Variants in IGF2R observed in about 807,000 individuals in gnomAD.
The protein encoded by IGF2R is insulin like growth factor 2 receptor, also known as cation-independent mannose-6-phosphate receptor.
Under a neutral mutation model 270.6 loss-of-function variants are expected in IGF2R, and 91 were observed. The ratio of observed to expected loss-of-function variants is 0.34; its 90% CI spans 0.28 to 0.40. IGF2R has a LOEUF of 0.40. Among genes scored for constraint, IGF2R ranks in the 10% least tolerant of loss-of-function variants. The pLI, the probability that IGF2R is intolerant of heterozygous loss-of-function variation, is 1.00. For missense variants in IGF2R, 2,805 were observed against 3,188.3 expected (o/e 0.88, Z 2.90); for synonymous variants, 1,316 against 1,258.9 (o/e 1.05, Z -0.96).
At chr6:160,052,842 C>G (rs572499145) in intron 19 of IGF2R, among the ~76,000 whole-genome samples, 22 of 152,324 alleles carry the variant, frequency 1.4e-4, no homozygotes, top group African/African-American at 4.6e-4. Flanking sequence ...AAAGGATTCC[C>G]TATTTAATAA....
rs1385682125 is a variant in IGF2R, at chr6:160,056,459, T to C, written c.2730T>C (p.Cys910=). The change falls in exon 20 of 48, where the codon TGT becomes TGC. Residue 910 remains cysteine (C), a synonymous_variant. Coordinates refer to ENST00000356956, the MANE Select transcript of IGF2R (RefSeq NM_000876.4). ...SHPIFSLNWE[C]VVSFLWNTEA... The stretch of plus-strand genomic sequence containing the variant: ...CCATCTTTTCTCTCAACTGGGAGTG[T>C]GTGGTCAGTTTCCTGTGGAACACAG... 1.2e-6 allele frequency: 2 copies of C among 1,614,010 alleles called. No individual in the cohort carries two copies. Among genetic ancestry groups the C allele is most frequent in the Non-Finnish European group, 1.7e-6 (2 of 1,179,972 alleles).
Position 160,102,605 on chromosome 6 carries a change from T to C in IGF2R, c.6929T>C (p.Leu2310Pro), listed in dbSNP as rs1390248945. ...CGGAGCCAGGCAGTCGGCGCGGTGC[T>C]CAGCCTGCTGCTGGTGGCGCTCACC... ...SERSQAVGAV[L>P]SLLLVALTCC... The change falls in exon 46 of 48, where the codon CTC (leucine) becomes CCC (proline). Residue 2310 changes from leucine to proline, a missense_variant. Leu to Pro is a moderately conservative substitution (Grantham distance 98, BLOSUM62 -3). Transcript: ENST00000356956. This position sits in a 1 kb window ranked among gnomAD's most constrained non-coding sequence, Gnocchi z 4.5. 6.2e-7 allele frequency: 1 copy of C among 1,613,612 alleles called. No homozygotes were observed. Among genetic ancestry groups the C allele is most frequent in the Admixed American group, 1.7e-5 (1 of 60,004 alleles).
intron 10 of IGF2R, among the ~76,000 whole-genome samples, chr6:160,038,790 AAACCAAACCAGCC>A (rs758826604): frequency 3.0e-4 from 45 of 152,258 alleles, no homozygotes; most frequent in Non-Finnish European, 5.4e-4. Flanking sequence ...ATTAAAAACC[AAACCAAACCAGCC>A]AACCAAACAA....
At chr6:160,080,363 C>T (rs1778952333) in intron 39 of IGF2R, 88 bp downstream of exon 39, 8 of 1,251,052 alleles carry the variant, frequency 6.4e-6, no homozygotes, top group Non-Finnish European at 7.8e-6. Context: ...GTGGATGCCC[C>T]AGTCAGTGGC....
chr6:160,077,833 G>A (rs1038051104), intron 36 of IGF2R, among the ~76,000 whole-genome samples: 1 of 152,226 alleles, frequency 6.6e-6, no homozygotes, highest in Admixed American at 6.5e-5. Flanking sequence ...AATGTCTCCC[G>A]TGTCTAGAGA....
chr6:160,021,646 T>C (rs1777437992), intron 4 of IGF2R, among the ~76,000 whole-genome samples: 1 of 147,756 alleles, frequency 6.8e-6, no homozygotes, highest in South Asian at 2.2e-4. Flanking sequence ...ACTGCATATA[T>C]GGAACGTAAT....
At chr6:160,066,053 C>T (rs1391455046) in intron 29 of IGF2R, among the ~76,000 whole-genome samples, 8 of 147,380 alleles carry the variant, frequency 5.4e-5, no homozygotes, top group East Asian at 3.9e-4. Context: ...CTTGCACTGT[C>T]GCCCAGGCTG....
At chr6:160,041,513 T>C (rs1292000731) in intron 11 of IGF2R, among the ~76,000 whole-genome samples, 1 of 152,044 alleles carries the variant, frequency 6.6e-6, no homozygotes, top group Non-Finnish European at 1.5e-5. Flanking sequence ...ACTTAGAGGA[T>C]GGATCAGTAG....
chr6:160,032,217 GTGCC>G (rs2115232584), intron 7 of IGF2R, among the ~76,000 whole-genome samples: 1 of 152,306 alleles, frequency 6.6e-6, no homozygotes, highest in South Asian at 2.1e-4. Flanking sequence ...TGATTGCCAC[GTGCC>G]ACTGAGTCCA....
At chr6:160,056,385 G>T (rs1327428369) in intron 19 of IGF2R, 39 bp from the exon 20 acceptor site, 1 of 1,340,908 alleles carries the variant, frequency 7.5e-7, no homozygotes, top group Admixed American at 1.7e-5. Context: ...CAAGTTCCAT[G>T]TTACTGTATT....
intron 22 of IGF2R, among the ~76,000 whole-genome samples, 196 bp downstream of exon 22, chr6:160,059,294 T>G (rs1296729255): frequency 6.6e-6 from 1 of 151,732 alleles, no homozygotes; most frequent in East Asian, 1.9e-4. Context: ...TATCCGTGGC[T>G]TCACTTTTGT....
intron 1 of IGF2R, among the ~76,000 whole-genome samples, chr6:159,989,540 T>C (rs546966098): frequency 2.0e-5 from 3 of 152,348 alleles, no homozygotes; most frequent in South Asian, 2.1e-4. Flanking sequence ...ATTTAACTTA[T>C]TGCCCCTCCT....
Position 160,106,744 on chromosome 6 carries a change from C to T in IGF2R, c.*1660C>T, listed in dbSNP as rs8191969. 1.9e-4 allele frequency: 29 copies of T among 152,342 alleles called. No individual in the cohort carries two copies. In the East Asian group the frequency reaches 5.6e-3, roughly 29 times the overall value. 9.4% of individuals were successfully genotyped at this position (152,342 alleles called of 1,614,324 possible). On this transcript the variant is annotated 3_prime_UTR_variant, in exon 48 of 48. Transcript: ENST00000356956. The stretch of plus-strand genomic sequence containing the variant: ...CGTAGGTGTTAACTTTGGGTCCAAT[C>T]TGCCTTCCCTTGGCTCTTTCTAGAT...
Position 160,073,207 on chromosome 6 carries a change from G to A in IGF2R, c.4691-6G>A, listed in dbSNP as rs374601410. 8.1e-5 allele frequency: 130 copies of A among 1,612,754 alleles called. No homozygotes were observed. The highest frequency in any genetic ancestry group is 1.0e-4 in the Non-Finnish European group (120 of 1,178,932). ...GTGTTTTCTCCGCCTTTCCCTTGTG[G>A]TGCAGGGGCCTGCTTTGGACAGACC... On this transcript the variant is annotated splice_polypyrimidine_tract_variant and splice_region_variant and intron_variant, in intron 33 of 47. Transcript: ENST00000356956.
chr6:160,054,339 A>G (rs1424655483), intron 19 of IGF2R, among the ~76,000 whole-genome samples: 1 of 152,184 alleles, frequency 6.6e-6, no homozygotes, highest in Non-Finnish European at 1.5e-5. Context: ...ATTTAAATAT[A>G]TTACAGTTGG....
chr6:160,099,609 C>T (rs1408367051), intron 45 of IGF2R, among the ~76,000 whole-genome samples: 3 of 152,100 alleles, frequency 2.0e-5, no homozygotes, highest in Admixed American at 6.6e-5. Context: ...TCTTGTGATC[C>T]GCCTGCCTCA....
Position 160,105,075 on chromosome 6 carries a change from A to C in IGF2R, c.7467A>C (p.Leu2489Phe), listed in dbSNP as rs938981506. 2.5e-6 allele frequency: 4 copies of C among 1,580,396 alleles called. No homozygotes were observed. In the African/African-American group the frequency reaches 5.4e-5, roughly 21 times the overall value. ...ATGACGACAGCGACGAGGACCTCTT[A>C]CACATCTGACTCCGCAGTGCCTGCA... ...SFHDDSDEDL[L>F]HI Residue 2489 changes from leucine to phenylalanine, a missense_variant, in exon 48 of 48, where the codon TTA (leucine) becomes TTC (phenylalanine). Leu to Phe is a conservative substitution (Grantham distance 22). Transcript: ENST00000356956.
intron 1 of IGF2R, among the ~76,000 whole-genome samples, chr6:159,988,330 A>G (rs746073853): frequency 1.3e-5 from 2 of 152,024 alleles, no homozygotes; most frequent in Non-Finnish European, 2.9e-5. Flanking sequence ...CCTGGCTAAC[A>G]TGGTGAAACC....
At chr6:160,099,493 A>G (rs1223733493) in intron 45 of IGF2R, among the ~76,000 whole-genome samples, 1 of 152,084 alleles carries the variant, frequency 6.6e-6, no homozygotes, top group Non-Finnish European at 1.5e-5. Context: ...CAGCCTCCCA[A>G]GTAACTGGGA....
Sources: gnomAD v4.1 joint callset for allele counts (sites outside exome capture counted in the v4.1 genomes callset) on GRCh38, gnomAD v4.1.1 for gene constraint, Gnocchi (gnomAD v3.1) non-coding constraint, MANE v1.5 for transcripts, NCBI Gene and HGNC (gene_info 2026-07-23, HGNC 2026-07-21) for gene names.